RRN3: variants seen among roughly 807,000 people sequenced by gnomAD.
RRN3 encodes the protein RNA polymerase I transcription factor RRN3, also known as RNA polymerase I-specific transcription initiation factor RRN3.
Under a neutral mutation model 82.3 loss-of-function variants are expected in RRN3, and 38 were observed. That is an observed-to-expected ratio of 0.46 (90% confidence interval 0.36 to 0.61). The LOEUF (loss-of-function observed/expected upper bound fraction) is 0.61. Ranked by LOEUF, RRN3 falls within the 20% of genes least tolerant of loss-of-function variation. RRN3 has a pLI of 0.00. For missense variants in RRN3, 726 were observed against 793.1 expected (o/e 0.92, Z 1.02); for synonymous variants, 284 against 284.3 (o/e 1.00, Z 0.01).
At chr16:15,079,099 C>A (rs2045588797) in intron 9 of RRN3, among the ~76,000 whole-genome samples, 1 of 152,094 alleles carries the variant, frequency 6.6e-6, no homozygotes, top group Non-Finnish European at 1.5e-5. Flanking sequence ...CGTGAGCCAC[C>A]ACGCCCGGCC....
chr16:15,066,094 T>C (rs913693523), intron 15 of RRN3, among the ~76,000 whole-genome samples: 2 of 152,216 alleles, frequency 1.3e-5, no homozygotes, highest in African/African-American at 2.4e-5. Flanking sequence ...CCATCTCAGG[T>C]TCTCAGGTCA....
intron 15 of RRN3, among the ~76,000 whole-genome samples, chr16:15,065,925 C>T (rs1268520152): frequency 1.3e-5 from 2 of 152,134 alleles, no homozygotes; most frequent in African/African-American, 2.4e-5. Flanking sequence ...CTAGGCATGC[C>T]GAGTGAGAAC....
chr16:15,083,242 T>C (rs563338722), intron 8 of RRN3, among the ~76,000 whole-genome samples: 1 of 152,016 alleles, frequency 6.6e-6, no homozygotes, highest in East Asian at 1.9e-4. Context: ...CTACTAAAAA[T>C]ACAAAAATTA....
At chr16:15,062,560 G>A (rs1159561759) in intron 17 of RRN3, among the ~76,000 whole-genome samples, 1 of 152,158 alleles carries the variant, frequency 6.6e-6, no homozygotes, top group African/African-American at 2.4e-5. Context: ...TCCACCTCAT[G>A]TGACCTGGAG....
At chr16:15,083,398 CAAAAAAGAAAAA>C (rs1397283950) in intron 8 of RRN3, 103 bp downstream of exon 8, 1 of 1,491,218 alleles carries the variant, frequency 6.7e-7, no homozygotes, top group African/African-American at 1.4e-5. Context: ...GACTCGGTCT[CAAAAAAGAAAAA>C]GAAAAAGAAA....
In RRN3 at chr16:15,086,422, G is replaced by C. The variant is rs1317640536; in HGVS notation, c.285C>G (p.Phe95Leu). Residue 95 changes from phenylalanine to leucine, a missense_variant, in exon 4 of 18, where the codon TTC becomes TTG. By Grantham distance (22) the Phe-to-Leu change is conservative. Around this residue, in one of 4 missense-constraint regions of RRN3, gnomAD observed 344 missense variants for 394.5 expected, o/e 0.87. Coordinates refer to ENST00000198767, the MANE Select transcript of RRN3 (RefSeq NM_018427.5). ...TTGTCAAGTACATGATAGAAGAACG[G>C]AATTCTAGCAGCCAGTTGATGATCT... ...DDQIINWLLE[F>L]RSSIMYLTKD... 6.2e-7 allele frequency: 1 copy of C among 1,613,522 alleles called. No individual in the cohort carries two copies. The highest frequency in any genetic ancestry group is 1.7e-5 in the Admixed American group (1 of 59,938).
chr16:15,077,483 G>A lies in RRN3; in HGVS notation c.766-833C>T, dbSNP rs552597536. 1.2e-3 allele frequency among the ~76,000 whole-genome samples: 189 copies of A among 152,146 alleles called. 2 individuals carry two copies. The highest frequency in any genetic ancestry group is 4.5e-3 in the African/African-American group (185 of 41,518). On this transcript the variant is annotated intron_variant, in intron 9 of 17. Coordinates refer to ENST00000198767, the MANE Select transcript of RRN3 (RefSeq NM_018427.5). ...TTCTCTTGCCGCCACCATGTAAGAAGTGCCTTTCACCTCCCGCCATGATTC... is the reference window on the plus strand; with the variant it reads ...TTCTCTTGCCGCCACCATGTAAGAAATGCCTTTCACCTCCCGCCATGATTC...
intron 9 of RRN3, among the ~76,000 whole-genome samples, chr16:15,079,354 A>G (rs1031003407): frequency 6.6e-6 from 1 of 152,220 alleles, no homozygotes; most frequent in Non-Finnish European, 1.5e-5. Flanking sequence ...CCCTTAAGAA[A>G]GGCCAAACAG....
chr16:15,079,087 T>C (rs974997703), intron 9 of RRN3, among the ~76,000 whole-genome samples: 8 of 152,142 alleles, frequency 5.3e-5, no homozygotes, highest in African/African-American at 1.9e-4. Context: ...TGGGATTACA[T>C]GCGTGAGCCA....
chr16:15,083,491 T>C (rs1444816670), intron 8 of RRN3, 22 bp downstream of exon 8: 9 of 1,608,202 alleles, frequency 5.6e-6, no homozygotes, highest in Non-Finnish European at 5.1e-6. Flanking sequence ...TCCATGATGT[T>C]CTCAATGAAA....
chr16:15,065,443 G>A lies in RRN3; in HGVS notation c.1554-72C>T, dbSNP rs546361451. On this transcript the variant is annotated intron_variant, in intron 15 of 17. Coordinates refer to ENST00000198767, the MANE Select transcript of RRN3 (RefSeq NM_018427.5). ...GTGACTCGGTGCAGATGTGAGCTGC[G>A]TGTGACAACTGTACCTACCACAGAG... 54 of 1,331,012 alleles carry A rather than the reference G, an allele frequency of 4.1e-5. No homozygotes were observed. The South Asian group carries it at 4.2e-4, about 10-fold the overall frequency. 82.5% of individuals were successfully genotyped at this position (1,331,012 alleles called of 1,614,324 possible).
intron 8 of RRN3, among the ~76,000 whole-genome samples, chr16:15,081,915 C>G (rs1326630164): frequency 6.6e-6 from 1 of 152,110 alleles, no homozygotes; most frequent in East Asian, 1.9e-4. Context: ...AATGACTATT[C>G]TCCCCTATTC....
chr16:15,079,632 G>A (rs1441848765), intron 9 of RRN3, among the ~76,000 whole-genome samples: 1 of 149,316 alleles, frequency 6.7e-6, no homozygotes, highest in African/African-American at 2.5e-5. Flanking sequence ...TCGCTCTGTC[G>A]CCCAGGCTGG....
chr16:15,080,228 C>T, intron 8 of RRN3, 132 bp from the exon 9 acceptor site: 2 of 1,120,116 alleles, frequency 1.8e-6, no homozygotes, highest in Non-Finnish European at 2.5e-6. Context: ...TCCAGCAATA[C>T]AAAAACTATA....
chr16:15,083,459 A>G lies in RRN3; in HGVS notation c.666+54T>C, dbSNP rs377139991. Reference sequence around the variant, plus strand: ...AGAAAAAGACCTAATATCATCTAAAATGAAATCGTACAAACAACTTTTCCA... The same window carrying G: ...AGAAAAAGACCTAATATCATCTAAAGTGAAATCGTACAAACAACTTTTCCA... On this transcript the variant is annotated intron_variant, in intron 8 of 17. Transcript: ENST00000198767. 2.0e-4 allele frequency: 315 copies of G among 1,603,760 alleles called. 1 individual carries two copies. The African/African-American group carries it at 3.9e-3, about 20-fold the overall frequency.
intron 14 of RRN3, among the ~76,000 whole-genome samples, chr16:15,069,479 T>G (rs1384234096): frequency 6.6e-6 from 1 of 152,200 alleles, no homozygotes; most frequent in Non-Finnish European, 1.5e-5. Flanking sequence ...TCTAATAAGT[T>G]TCAACTGACA....
intron 3 of RRN3, among the ~76,000 whole-genome samples, chr16:15,090,455 C>T (rs753599210): frequency 5.3e-5 from 8 of 152,204 alleles, no homozygotes; most frequent in Non-Finnish European, 8.8e-5. Context: ...AAGCCAGGCA[C>T]TTTAAACATG....
chr16:15,094,068 T>C lies in RRN3; in HGVS notation c.89+77A>G, dbSNP rs569272319. The C allele has an allele frequency of 1.3e-5, 17 of 1,307,156 alleles. No individual in the cohort carries two copies. The East Asian group carries it at 4.3e-4, about 33-fold the overall frequency. 81.0% of individuals were successfully genotyped at this position (1,307,156 alleles called of 1,614,324 possible). Reference sequence around the variant, plus strand: ...CACACGCCATGAGCTTTGTCCCACATCCTTTCAATCCGCTCCTCTAAGCGC... The same window carrying C: ...CACACGCCATGAGCTTTGTCCCACACCCTTTCAATCCGCTCCTCTAAGCGC... On this transcript the variant is annotated intron_variant, in intron 1 of 17. Coordinates refer to ENST00000198767, the MANE Select transcript of RRN3 (RefSeq NM_018427.5).
In RRN3 at chr16:15,073,024, C is replaced by T. The variant is rs759465979; in HGVS notation, c.1054G>A (p.Asp352Asn). 6.2e-7 allele frequency: 1 copy of T among 1,613,238 alleles called. No individual in the cohort carries two copies. The highest frequency in any genetic ancestry group is 1.1e-5 in the South Asian group (1 of 90,730). The change falls in exon 12 of 18, where the codon GAC becomes AAC. Residue 352 changes from aspartate to asparagine, a missense_variant. This residue lies in a region of RRN3 where 344 missense variants were observed against 394.5 expected (regional missense o/e 0.87). Coordinates refer to ENST00000198767, the MANE Select transcript of RRN3 (RefSeq NM_018427.5). The stretch of plus-strand genomic sequence containing the variant: ...GCATGGGTGGGCAACAGGAGTTTGT[C>T]AAAGATGTTTATCAGGTCGCGATAT... The part of the protein sequence containing the change: ...DLYRDLINIF[D>N]KLLLPTHASC...
Sources: allele counts gnomAD v4.1 joint callset (sites outside exome capture counted in the v4.1 genomes callset), GRCh38; gene constraint gnomAD v4.1.1; regional missense constraint gnomAD v4.1.1; transcripts MANE v1.5; gene names NCBI Gene and HGNC (gene_info 2026-07-23, HGNC 2026-07-21).